The following CELF4 variants were observed in gnomAD, a reference collection of about 807,000 sequenced individuals.
CELF4 encodes the protein CUG-BP- and ETR-3-like factor 4.
In CELF4, 18 loss-of-function variants were observed where a neutral mutation model predicts 59.9. That is an observed-to-expected ratio of 0.30 (90% CI 0.21 to 0.45). The LOEUF (loss-of-function observed/expected upper bound fraction) is 0.45, where lower values mean the gene tolerates loss of function less well. CELF4 is among the 20% of genes least tolerant of loss of function. CELF4 has a pLI of 1.00. For missense variants in CELF4, 456 were observed against 689.0 expected (o/e 0.66, Z 3.79); for synonymous variants, 261 against 267.1 (o/e 0.98, Z 0.22).
chr18:37,478,597 G>T (rs192873457), intron 2 of CELF4, among the ~76,000 whole-genome samples: 2 of 152,286 alleles, frequency 1.3e-5, no homozygotes, highest in East Asian at 3.9e-4. Context: ...AGGGAAGACT[G>T]TGGGCACAGC....
chr18:37,343,626 T>C (rs1247783027), intron 2 of CELF4, among the ~76,000 whole-genome samples: 3 of 151,934 alleles, frequency 2.0e-5, no homozygotes, highest in African/African-American at 7.3e-5. Flanking sequence ...TGTGTATATG[T>C]AGGAGTGCAG....
At chr18:37,515,171 C>T (rs1213754027) in intron 1 of CELF4, among the ~76,000 whole-genome samples, 4 of 152,148 alleles carry the variant, frequency 2.6e-5, no homozygotes, top group Non-Finnish European at 2.9e-5. Context: ...GCTTGCTGTT[C>T]GGCAGTGGTT....
At chr18:37,284,565 C>T (rs1316887644) in intron 3 of CELF4, among the ~76,000 whole-genome samples, 1 of 152,180 alleles carries the variant, frequency 6.6e-6, no homozygotes, top group Non-Finnish European at 1.5e-5. Flanking sequence ...ATGACAAGAG[C>T]CTGAAGGACC....
At chr18:37,259,338 G>A (rs1374417899) in intron 10 of CELF4, 74 bp from the exon 11 acceptor site, 16 of 578,118 alleles carry the variant, frequency 2.8e-5, no homozygotes, top group Non-Finnish European at 4.1e-5. Context: ...GAGGAGAGGT[G>A]AGCGAGTTAG....
chr18:37,338,442 A>G (rs1392169561), intron 2 of CELF4, among the ~76,000 whole-genome samples: 2 of 151,116 alleles, frequency 1.3e-5, no homozygotes, highest in Non-Finnish European at 2.9e-5. Flanking sequence ...TGTCACTGTC[A>G]CCACTGTCAC....
At chr18:37,353,464 T>C (rs1295966798) in intron 2 of CELF4, among the ~76,000 whole-genome samples, 1 of 150,890 alleles carries the variant, frequency 6.6e-6, no homozygotes, top group Non-Finnish European at 1.5e-5. Context: ...GGTGTGGAGC[T>C]GGGAGAACCA....
chr18:37,362,379 C>G (rs113520742), intron 2 of CELF4, among the ~76,000 whole-genome samples: 3 of 152,322 alleles, frequency 2.0e-5, no homozygotes, highest in African/African-American at 7.2e-5. Flanking sequence ...CAAGGCCAAG[C>G]CTGGGAGGCA....
intron 1 of CELF4, among the ~76,000 whole-genome samples, chr18:37,511,941 G>C (rs1040332811): frequency 6.6e-6 from 1 of 152,106 alleles, no homozygotes; most frequent in African/African-American, 2.4e-5. Flanking sequence ...GGCTGGGGCT[G>C]GGGGTGGGGA....
intron 12 of CELF4, among the ~76,000 whole-genome samples, chr18:37,248,227 G>T (rs1289035052): frequency 6.6e-6 from 1 of 152,206 alleles, no homozygotes; most frequent in Non-Finnish European, 1.5e-5. Flanking sequence ...GAGATTTAGG[G>T]TAAAATTCAT....
In CELF4 at chr18:37,424,826, A is replaced by G. The variant is rs567319919; in HGVS notation, c.369+60699T>C. Among the ~76,000 whole-genome samples, 4 of 152,200 alleles carry G rather than the reference A, an allele frequency of 2.6e-5. No homozygotes were observed. The South Asian group carries it at 6.2e-4, about 24-fold the overall frequency. On this transcript the variant is annotated intron_variant, in intron 2 of 12. Transcript: ENST00000420428. ...GTCCAACCTCCCCATCTAAGCTCCGAAGTCCAGGGGATTGGGCTCCACACA... is the reference window on the plus strand; with the variant it reads ...GTCCAACCTCCCCATCTAAGCTCCGGAGTCCAGGGGATTGGGCTCCACACA...
intron 2 of CELF4, among the ~76,000 whole-genome samples, chr18:37,375,132 AGAGCCC>A (rs2098952166): frequency 6.6e-6 from 1 of 152,182 alleles, no homozygotes; most frequent in Admixed American, 6.5e-5. Context: ...TGGGGGCATG[AGAGCCC>A]GTGGGTGCAT....
At position 37,258,682 on chromosome 18, in the gene CELF4, G is replaced by A. The variant is rs374211350; in HGVS notation, c.1333+499C>T. Among the ~76,000 whole-genome samples, 536 of 152,242 alleles carry A rather than the reference G, an allele frequency of 3.5e-3. 2 individuals are homozygous for A. Among genetic ancestry groups the A allele is most frequent in the Non-Finnish European group, 5.8e-3 (394 of 68,018 alleles). On this transcript the variant is annotated intron_variant, in intron 11 of 12. Coordinates refer to ENST00000420428, the MANE Select transcript of CELF4 (RefSeq NM_020180.4). Reference sequence around the variant, plus strand: ...AGAGAGGAGGCGAAGGGGTGGGCAGGAGAGGGGCCTGGCTAGGTGACTGCC... The same window carrying A: ...AGAGAGGAGGCGAAGGGGTGGGCAGAAGAGGGGCCTGGCTAGGTGACTGCC...
intron 1 of CELF4, among the ~76,000 whole-genome samples, chr18:37,543,252 C>T (rs917800511): frequency 6.6e-6 from 1 of 152,174 alleles, no homozygotes; most frequent in Non-Finnish European, 1.5e-5. Context: ...AGAAATGGAG[C>T]TCCACAGGTG....
intron 2 of CELF4, among the ~76,000 whole-genome samples, chr18:37,358,607 G>A (rs1475352003): frequency 6.6e-6 from 1 of 152,222 alleles, no homozygotes; most frequent in African/African-American, 2.4e-5. Context: ...ACCTGTTTGT[G>A]TTCTCCTGAA....
At chr18:37,387,053 G>A (rs575980742) in intron 2 of CELF4, among the ~76,000 whole-genome samples, 47 of 152,330 alleles carry the variant, frequency 3.1e-4, no homozygotes, top group African/African-American at 1.1e-3. Context: ...CTGTGGAGGC[G>A]GCTCCCCAGC....
chr18:37,495,385 C>T (rs1468573900), intron 1 of CELF4, among the ~76,000 whole-genome samples: 2 of 152,182 alleles, frequency 1.3e-5, no homozygotes, highest in African/African-American at 4.8e-5. Context: ...GCCTCTGCCT[C>T]ACTCCTTCCA....
intron 3 of CELF4, chr18:37,275,711 G>T (rs1285931432): frequency 5.8e-6 from 1 of 171,472 alleles, no homozygotes; most frequent in East Asian, 1.8e-4. Context: ...CCCCTGCCTG[G>T]AGCGCACTTA....
At chr18:37,560,253 C>T (rs1199002818) in intron 1 of CELF4, among the ~76,000 whole-genome samples, 3 of 152,184 alleles carry the variant, frequency 2.0e-5, no homozygotes, top group Non-Finnish European at 4.4e-5. Context: ...CATATACGTG[C>T]ATATGTGCAT....
At chr18:37,461,269 T>C (rs529010623) in intron 2 of CELF4, among the ~76,000 whole-genome samples, 93 of 152,306 alleles carry the variant, frequency 6.1e-4, no homozygotes, top group African/African-American at 2.1e-3. Flanking sequence ...ATGCTGCTAA[T>C]AAAGACATAC....
Sources: allele counts gnomAD v4.1 joint callset (sites outside exome capture counted in the v4.1 genomes callset), GRCh38; gene constraint gnomAD v4.1.1; transcripts MANE v1.5; gene names NCBI Gene and HGNC (gene_info 2026-07-23, HGNC 2026-07-21).